Variants in INSL6 observed in about 807,000 individuals in gnomAD.
The protein encoded by INSL6 is insulin like 6, also known as insulin-like peptide INSL6.
Under a neutral mutation model 9.4 loss-of-function variants are expected in INSL6, and 16 were observed. The observed-to-expected ratio is 1.70, with a 90% confidence interval of 1.15 to 2.59. INSL6 has a LOEUF of 2.59. INSL6 is among the 30% of genes most tolerant of loss of function. INSL6 has a pLI of 0.00. For missense variants in INSL6, 391 were observed against 257.3 expected, an observed-to-expected ratio of 1.52 and a Z score of -3.56; for synonymous variants, 154 against 96.9, an observed-to-expected ratio of 1.59 and a Z score of -3.46.
downstream of INSL6, among the ~76,000 whole-genome samples, chr9:5,122,413 C>G (rs960857016): frequency 6.6e-6 from 1 of 152,038 alleles, no homozygotes; most frequent in East Asian, 1.9e-4. Context: ...GCCTTGGAAC[C>G]AATTTTTTTC....
At chr9:5,063,119 G>A in the INSL6 span, among the ~76,000 whole-genome samples, 1 of 151,988 alleles carries the variant, frequency 6.6e-6, no homozygotes, top group Non-Finnish European at 1.5e-5. Context: ...TTTGGTTGAG[G>A]ACTCTATTCT....
rs774469142 is a variant in INSL6 at position 5,126,729 on chromosome 9, C to T, written c.*11-2218G>A. ...ATGCTGGAACAATAATGTAAATCAA[C>T]GCCCCTCCTTTAGGGATCTAGCTCT... On this transcript the variant is annotated intron_variant, in intron 3 of 3. Transcript: ENST00000649639. 21 of 1,610,864 alleles carry T rather than the reference C, an allele frequency of 1.3e-5. No individual in the cohort carries two copies. The highest frequency in any genetic ancestry group is 4.2e-6 in the Non-Finnish European group (5 of 1,177,684).
chr9:5,020,396 T>C, the INSL6 span, among the ~76,000 whole-genome samples: 2 of 152,116 alleles, frequency 1.3e-5, no homozygotes, highest in African/African-American at 4.8e-5. Context: ...GGTGAGAGTA[T>C]CCTCAGGCCC....
At chr9:5,119,052 T>G (rs960051714), downstream of INSL6, among the ~76,000 whole-genome samples, 1 of 151,214 alleles carries the variant, frequency 6.6e-6, no homozygotes, top group African/African-American at 2.5e-5. Flanking sequence ...TATTAATACA[T>G]TATTATTAAC....
intron 2 of INSL6, among the ~76,000 whole-genome samples, chr9:5,142,540 G>A: frequency 6.6e-6 from 1 of 152,148 alleles, no homozygotes; most frequent in East Asian, 1.9e-4. Flanking sequence ...GTGATGTTCT[G>A]CAAATTGATC....
chr9:5,021,769 T>C, the INSL6 span, among the ~76,000 whole-genome samples: 40 of 152,296 alleles, frequency 2.6e-4, no homozygotes, highest in South Asian at 8.3e-4. Flanking sequence ...GGACTACAAG[T>C]GCGTGCTGCC....
chr9:5,106,530 C>T, the INSL6 span, among the ~76,000 whole-genome samples: 1 of 152,134 alleles, frequency 6.6e-6, no homozygotes, highest in Non-Finnish European at 1.5e-5. Context: ...TACCATTTGA[C>T]CCAGCCATCC....
At chr9:5,034,332 C>G in the INSL6 span, among the ~76,000 whole-genome samples, 31 of 152,252 alleles carry the variant, frequency 2.0e-4, no homozygotes, top group African/African-American at 5.5e-4. Context: ...GACAGATCAA[C>G]AAGACAGAAA....
chr9:5,100,808 T>C, the INSL6 span: 1 of 152,376 alleles, frequency 6.6e-6, no homozygotes, highest in East Asian at 1.9e-4. Flanking sequence ...TCTGATGGGA[T>C]CTATGGCTCA....
chr9:5,047,170 T>C, the INSL6 span, among the ~76,000 whole-genome samples: 1 of 152,224 alleles, frequency 6.6e-6, no homozygotes, highest in Non-Finnish European at 1.5e-5. Flanking sequence ...GTATTTAGAT[T>C]ACTCTAAGAT....
the INSL6 span, among the ~76,000 whole-genome samples, chr9:5,051,293 G>C: frequency 6.6e-6 from 1 of 152,116 alleles, no homozygotes; most frequent in Non-Finnish European, 1.5e-5. Context: ...TTCTGAGAAG[G>C]CTAGGGAAGT....
the INSL6 span, among the ~76,000 whole-genome samples, chr9:5,106,759 T>A: frequency 3.9e-5 from 6 of 152,116 alleles, no homozygotes. Context: ...GGGACATGGA[T>A]GAAGCTGGAA....
the INSL6 span, among the ~76,000 whole-genome samples, chr9:5,000,691 T>TA: frequency 6.6e-6 from 1 of 152,246 alleles, no homozygotes; most frequent in Non-Finnish European, 1.5e-5. Context: ...AAGGTTTTAA[T>TA]ACGTCTGTAA....
At chr9:5,157,830 G>A (rs1586867561) in intron 2 of INSL6, among the ~76,000 whole-genome samples, 1 of 152,174 alleles carries the variant, frequency 6.6e-6, no homozygotes, top group East Asian at 1.9e-4. Context: ...AGGAACACAT[G>A]AGCTCACCAA....
At chr9:5,050,845 G>C in the INSL6 span, 2 of 1,606,888 alleles carry the variant, frequency 1.2e-6, no homozygotes, top group Non-Finnish European at 1.7e-6. Context: ...ATTTTCTTTT[G>C]CAAATCCTTA....
chr9:5,051,430 T>TG, the INSL6 span, among the ~76,000 whole-genome samples: 32 of 152,144 alleles, frequency 2.1e-4, no homozygotes, highest in African/African-American at 7.0e-4. Context: ...TAGACTCACG[T>TG]GGGGGAGCCT....
At chr9:5,092,348 A>G in the INSL6 span, among the ~76,000 whole-genome samples, 14 of 152,162 alleles carry the variant, frequency 9.2e-5, no homozygotes, top group Non-Finnish European at 1.8e-4. Context: ...TTCTCTATAC[A>G]TGAATAGAGG....
the INSL6 span, among the ~76,000 whole-genome samples, chr9:5,045,928 T>C: frequency 3.3e-5 from 5 of 152,326 alleles, no homozygotes; most frequent in South Asian, 1.0e-3. Context: ...CTGGATCATA[T>C]GGTAAATTTA....
At chr9:5,116,339 G>C in the INSL6 span, among the ~76,000 whole-genome samples, 1 of 152,084 alleles carries the variant, frequency 6.6e-6, no homozygotes, top group Admixed American at 6.5e-5. Context: ...TCTCTAATTT[G>C]GGTAGGTTTG....
Sources: gnomAD v4.1 joint callset for allele counts (sites outside exome capture counted in the v4.1 genomes callset) on GRCh38, gnomAD v4.1.1 for gene constraint, MANE v1.5 for transcripts, NCBI Gene and HGNC (gene_info 2026-07-23, HGNC 2026-07-21) for gene names.